SGMS1: variants seen among roughly 807,000 people sequenced by gnomAD.
SGMS1 encodes phosphatidylcholine:ceramide cholinephosphotransferase 1.
A neutral mutation model predicts 46.2 loss-of-function variants in SGMS1; 13 were observed. The observed-to-expected ratio is 0.28, with a 90% CI of 0.18 to 0.45. The LOEUF is 0.45. Ranked by LOEUF, SGMS1 falls within the 20% of genes least tolerant of loss-of-function variation. SGMS1 has a pLI of 1.00. For missense variants in SGMS1, 324 were observed against 519.9 expected, an observed-to-expected ratio of 0.62 and a Z score of 3.66; for synonymous variants, 203 against 187.8, an observed-to-expected ratio of 1.08 and a Z score of -0.66.
At chr10:50,548,437 C>G (rs1339200183) in intron 2 of SGMS1, among the ~76,000 whole-genome samples, 1 of 152,072 alleles carries the variant, frequency 6.6e-6, no homozygotes, top group African/African-American at 2.4e-5. Flanking sequence ...CTTTGACAAA[C>G]CTGACAAAAA....
At chr10:50,569,539 G>A (rs985169577) in intron 2 of SGMS1, among the ~76,000 whole-genome samples, 16 of 152,064 alleles carry the variant, frequency 1.1e-4, no homozygotes, top group African/African-American at 3.6e-4. Context: ...CACTGGCCTA[G>A]CTCAGCATGA....
At chr10:50,515,842 G>A (rs1033488483) in intron 3 of SGMS1, among the ~76,000 whole-genome samples, 2 of 152,166 alleles carry the variant, frequency 1.3e-5, no homozygotes, top group African/African-American at 2.4e-5. Context: ...TCAAAGCAAG[G>A]AAAAGCTACA....
intron 2 of SGMS1, among the ~76,000 whole-genome samples, chr10:50,585,442 GGTAA>G (rs1409153023): frequency 2.0e-5 from 3 of 152,218 alleles, no homozygotes; most frequent in African/African-American, 7.2e-5. Flanking sequence ...AATTATGTAG[GGTAA>G]GTGTTTATCA....
intron 1 of SGMS1, among the ~76,000 whole-genome samples, chr10:50,611,615 T>A (rs1487248419): frequency 6.6e-6 from 1 of 152,212 alleles, no homozygotes; most frequent in African/African-American, 2.4e-5. Flanking sequence ...TGCCTCTGTC[T>A]CAGATGACCA....
At chr10:50,380,296 G>A (rs1254682473) in intron 6 of SGMS1, among the ~76,000 whole-genome samples, 1 of 151,308 alleles carries the variant, frequency 6.6e-6, no homozygotes, top group Non-Finnish European at 1.5e-5. Flanking sequence ...CAGGAGAATC[G>A]CTTGAGCCCA....
intron 5 of SGMS1, among the ~76,000 whole-genome samples, chr10:50,456,632 T>C (rs531782757): frequency 3.3e-5 from 5 of 152,250 alleles, no homozygotes; most frequent in African/African-American, 1.2e-4. Flanking sequence ...TATGCATGTC[T>C]CTCCAACCTC....
At chr10:50,387,687 C>G (rs549620402) in intron 6 of SGMS1, among the ~76,000 whole-genome samples, 1 of 152,062 alleles carries the variant, frequency 6.6e-6, no homozygotes, top group Non-Finnish European at 1.5e-5. Flanking sequence ...ATTGTATATG[C>G]TAAAAGAAAA....
At chr10:50,609,405 C>G (rs972211142) in intron 1 of SGMS1, among the ~76,000 whole-genome samples, 1 of 151,954 alleles carries the variant, frequency 6.6e-6, no homozygotes, top group African/African-American at 2.4e-5. Context: ...TGACCTGACT[C>G]TTGCCTTGGT....
At chr10:50,333,220 T>C (rs1847655698) in intron 7 of SGMS1, among the ~76,000 whole-genome samples, 1 of 152,224 alleles carries the variant, frequency 6.6e-6, no homozygotes, top group Admixed American at 6.5e-5. Context: ...CTTTCTTGTC[T>C]TTTAGTCCCA....
intron 7 of SGMS1, chr10:50,341,135 G>T: frequency 3.0e-6 from 1 of 330,884 alleles, no homozygotes; most frequent in South Asian, 2.5e-5. Flanking sequence ...TCTCCAAAAT[G>T]CCAGATAAAC....
chr10:50,447,621 A>G (rs1386154344), intron 5 of SGMS1, among the ~76,000 whole-genome samples: 3 of 152,042 alleles, frequency 2.0e-5, no homozygotes, highest in Admixed American at 2.0e-4. Context: ...GCTTCTTTTT[A>G]AATTATTTTT....
chr10:50,343,830 G>T lies in SGMS1; in HGVS notation c.285C>A (p.Asp95Glu), dbSNP rs1360811843. 1 of 1,614,142 alleles carries T rather than the reference G, an allele frequency of 6.2e-7. No individual in the cohort carries two copies. Residue 95 changes from aspartate (D) to glutamate (E), a missense_variant, in exon 7 of 11, where the codon GAC becomes GAA. Asp to Glu is a conservative substitution (Grantham distance 45, BLOSUM62 2). Coordinates refer to ENST00000361781, the MANE Select transcript of SGMS1 (RefSeq NM_147156.4). ...LNIGVDIPTPDGSFSIKIKPN... is the reference protein window; with the variant it reads ...LNIGVDIPTPEGSFSIKIKPN... ...GTTTAATCTTGATGCTGAAGCTGCC[G>T]TCGGGGGTGGGGATGTCTACGCCAA...
At chr10:50,407,007 C>T (rs150259037) in intron 6 of SGMS1, among the ~76,000 whole-genome samples, 57 of 152,302 alleles carry the variant, frequency 3.7e-4, no homozygotes, top group African/African-American at 1.2e-3. Context: ...GTATGAACTA[C>T]CTCACCTGGC....
chr10:50,400,407 ATATATAT>A (rs1848916779), intron 6 of SGMS1, among the ~76,000 whole-genome samples: 1 of 5,784 alleles, frequency 1.7e-4, no homozygotes, highest in African/African-American at 7.1e-4. Flanking sequence ...ATATATATAT[ATATATAT>A]ATATATATAT....
chr10:50,596,510 C>T (rs779220789), intron 1 of SGMS1, among the ~76,000 whole-genome samples: 1 of 152,188 alleles, frequency 6.6e-6, no homozygotes, highest in Non-Finnish European at 1.5e-5. Context: ...ATAGCTTCCA[C>T]ATTCTGGCCT....
chr10:50,389,344 G>C (rs1181156527), intron 6 of SGMS1, among the ~76,000 whole-genome samples: 2 of 152,078 alleles, frequency 1.3e-5, no homozygotes, highest in African/African-American at 2.4e-5. Context: ...ACCAATCTTT[G>C]CCTAAATCTT....
chr10:50,617,869 G>A (rs1838812262), intron 1 of SGMS1, among the ~76,000 whole-genome samples: 2 of 150,734 alleles, frequency 1.3e-5, no homozygotes, highest in African/African-American at 4.9e-5. Flanking sequence ...CACTGCACCT[G>A]GCCCTGGCTT....
chr10:50,366,949 T>C (rs558987811), intron 6 of SGMS1, among the ~76,000 whole-genome samples: 1 of 152,174 alleles, frequency 6.6e-6, no homozygotes, highest in African/African-American at 2.4e-5. Context: ...GATCTTGAAG[T>C]ATAATTTTTA....
chr10:50,438,960 C>T (rs951969906), intron 5 of SGMS1, among the ~76,000 whole-genome samples: 5 of 152,186 alleles, frequency 3.3e-5, no homozygotes, highest in Non-Finnish European at 7.3e-5. Flanking sequence ...AAACATGACA[C>T]GTTTAGAACA....
Sources: allele counts gnomAD v4.1 joint callset (sites outside exome capture counted in the v4.1 genomes callset), GRCh38; gene constraint gnomAD v4.1.1; transcripts MANE v1.5; gene names NCBI Gene and HGNC (gene_info 2026-07-23, HGNC 2026-07-21).